Variants in JAKMIP3 observed in about 807,000 individuals in gnomAD.
The protein encoded by JAKMIP3 is janus kinase and microtubule-interacting protein 3.
Under a neutral mutation model 118.5 loss-of-function variants are expected in JAKMIP3, and 58 were observed. The observed-to-expected ratio is 0.49, with a 90% CI of 0.40 to 0.61. The LOEUF (loss-of-function observed/expected upper bound fraction) is 0.61. Ranked by LOEUF, JAKMIP3 falls within the 20% of genes least tolerant of loss-of-function variation. The pLI is 0.00. For missense variants in JAKMIP3, 950 were observed against 1,109.0 expected, an observed-to-expected ratio of 0.86 and a Z score of 2.04; for synonymous variants, 486 against 451.2, an observed-to-expected ratio of 1.08 and a Z score of -0.98.
At chr10:132,123,320 G>A (rs1055460571) in intron 3 of JAKMIP3, among the ~76,000 whole-genome samples, 3 of 152,174 alleles carry the variant, frequency 2.0e-5, no homozygotes, top group Admixed American at 6.6e-5. Context: ...CACGCTCAGC[G>A]CGTTTGCTAA....
chr10:132,072,854 A>C (rs752426885), intron 1 of JAKMIP3, among the ~76,000 whole-genome samples: 2 of 152,120 alleles, frequency 1.3e-5, no homozygotes, highest in Non-Finnish European at 2.9e-5. Flanking sequence ...TGTCCCCATT[A>C]CCTGAATAGT....
chr10:132,175,892 C>G (rs1189319671), intron 23 of JAKMIP3, among the ~76,000 whole-genome samples: 1 of 152,184 alleles, frequency 6.6e-6, no homozygotes, highest in African/African-American at 2.4e-5. Flanking sequence ...CTGAATTTGT[C>G]TATATTGTTA....
chr10:132,168,476 G>A lies in JAKMIP3; in HGVS notation c.*546G>A, dbSNP rs1008837492. 16 of 1,084,810 alleles carry A rather than the reference G, an allele frequency of 1.5e-5. No homozygotes were observed. The highest frequency in any genetic ancestry group is 5.7e-5 in the Admixed American group (2 of 35,354). The allele number at this position is 1,084,810 out of a possible 1,614,324, so 67.2% of individuals were successfully genotyped here. On this transcript the variant is annotated 3_prime_UTR_variant, in exon 23 of 24. Coordinates refer to ENST00000684848, the MANE Select transcript of JAKMIP3 (RefSeq NM_001323087.2). ...GATGGTCCTGGGAGGGCTCCCCGACGCCTCAGGGGCCCCTCCGATGCTGCA... is the reference window on the plus strand; with the variant it reads ...GATGGTCCTGGGAGGGCTCCCCGACACCTCAGGGGCCCCTCCGATGCTGCA...
At chr10:132,125,722 G>A (rs751384693) in intron 3 of JAKMIP3, among the ~76,000 whole-genome samples, 41 of 152,186 alleles carry the variant, frequency 2.7e-4, no homozygotes, top group Middle Eastern at 3.4e-3. Flanking sequence ...AATATTTAAC[G>A]TTTCATGCTA....
intron 1 of JAKMIP3, among the ~76,000 whole-genome samples, chr10:132,038,344 G>A (rs552939462): frequency 1.3e-5 from 2 of 152,290 alleles, no homozygotes; most frequent in South Asian, 2.1e-4. Flanking sequence ...CAACCCCCAC[G>A]GCAGTCAGCT....
chr10:132,183,759 T>G lies in JAKMIP3; in HGVS notation c.*2506T>G, dbSNP rs1363801438. ...CTATCATAGGCACCTTCTTTACATC[T>G]GATTACAATACCCAGCATTTCAGAA... On this transcript the variant is annotated 3_prime_UTR_variant, in exon 24 of 24. Transcript: ENST00000684848. 1 of 152,246 alleles carries G rather than the reference T, an allele frequency of 6.6e-6. No individual in the cohort carries two copies. Among genetic ancestry groups the G allele is most frequent in the Non-Finnish European group, 1.5e-5 (1 of 68,042 alleles). 9.4% of individuals were successfully genotyped at this position (152,246 alleles called of 1,614,324 possible). A position where few individuals can be genotyped will look rare whatever the true frequency, so the allele number is the denominator to read the frequency against.
At chr10:132,139,336 ATGTG>A (rs1441960430) in intron 9 of JAKMIP3, among the ~76,000 whole-genome samples, 2 of 139,600 alleles carry the variant, frequency 1.4e-5, no homozygotes, top group African/African-American at 5.6e-5. Flanking sequence ...GTGTGTTTGT[ATGTG>A]TGTACATGTG....
In JAKMIP3 at chr10:132,036,872, C is replaced by A. The variant is rs1379255192; in HGVS notation, c.-138+134C>A. ...GGCGACGTCCCGAGGGAGGGGGTCC[C>A]GCGGCAGAGACGCCCCTGTCTGGGG... On this transcript the variant is annotated intron_variant, in intron 1 of 23. Transcript: ENST00000657785. Among the ~76,000 whole-genome samples, 3 of 151,964 alleles carry A rather than the reference C, an allele frequency of 2.0e-5. No individual in the cohort carries two copies. The South Asian group carries it at 6.2e-4, about 31-fold the overall frequency.
chr10:132,036,930 C>CCGTGGGCGGGTCCTCT (rs2037524001), intron 1 of JAKMIP3, among the ~76,000 whole-genome samples: 4 of 152,154 alleles, frequency 2.6e-5, no homozygotes, highest in Admixed American at 2.6e-4. Flanking sequence ...GGCGGTCCCC[C>CCGTGGGCGGGTCCTCT]CGTGGGCGGG....
intron 1 of JAKMIP3, among the ~76,000 whole-genome samples, chr10:132,079,422 C>T (rs954281530): frequency 6.6e-6 from 1 of 152,076 alleles, no homozygotes; most frequent in East Asian, 1.9e-4. Flanking sequence ...CATGCATTTT[C>T]GTTTTTGTTG....
chr10:132,096,454 T>C (rs1374182733), intron 1 of JAKMIP3, among the ~76,000 whole-genome samples: 1 of 152,186 alleles, frequency 6.6e-6, no homozygotes, highest in Non-Finnish European at 1.5e-5. Context: ...CCGACGGCTG[T>C]TTCCTTAACA....
chr10:132,137,016 C>T lies in JAKMIP3; in HGVS notation c.1117-3C>T, dbSNP rs765240479. ...TTGTGATGTGGGCTGCTTGGCGTTT[C>T]AGAGACAGAGAGCTGGAATCATACG... On this transcript the variant is annotated splice_region_variant and splice_polypyrimidine_tract_variant and intron_variant, in intron 6 of 23. Coordinates refer to ENST00000684848, the MANE Select transcript of JAKMIP3 (RefSeq NM_001323087.2). 15 of 1,612,904 alleles carry T rather than the reference C, an allele frequency of 9.3e-6. No homozygotes were observed. Among genetic ancestry groups the T allele is most frequent in the Non-Finnish European group, 1.3e-5 (15 of 1,179,324 alleles).
intron 1 of JAKMIP3, among the ~76,000 whole-genome samples, chr10:132,099,100 C>G (rs992844294): frequency 6.6e-6 from 1 of 152,142 alleles, no homozygotes; most frequent in Admixed American, 6.5e-5. Flanking sequence ...CGGGTGTGGA[C>G]AGGTCTGATT....
intron 2 of JAKMIP3, among the ~76,000 whole-genome samples, chr10:132,115,897 A>G (rs2047566350): frequency 1.3e-5 from 2 of 152,266 alleles, no homozygotes; most frequent in Non-Finnish European, 2.9e-5. Context: ...GACGTCATCA[A>G]TGAAGTATGG....
intron 1 of JAKMIP3, among the ~76,000 whole-genome samples, chr10:132,053,198 G>A (rs1370294111): frequency 6.6e-6 from 1 of 152,224 alleles, no homozygotes; most frequent in African/African-American, 2.4e-5. Context: ...TTGGTCTGCT[G>A]AGGTCATCTG....
chr10:132,060,323 T>G (rs553515710), upstream of JAKMIP3, among the ~76,000 whole-genome samples: 2 of 152,008 alleles, frequency 1.3e-5, no homozygotes, highest in Non-Finnish European at 2.9e-5. Flanking sequence ...CAGGTTCTGG[T>G]GGGCGGGGCA....
At chr10:132,144,285 G>C in intron 11 of JAKMIP3, 1 of 152,304 alleles carries the variant, frequency 6.6e-6, no homozygotes, top group Non-Finnish European at 1.5e-5. Context: ...CTGTAGATGT[G>C]GGGCGGGCTC....
chr10:132,176,085 C>A (rs1325680342), intron 23 of JAKMIP3, among the ~76,000 whole-genome samples: 1 of 152,188 alleles, frequency 6.6e-6, no homozygotes, highest in African/African-American at 2.4e-5. Context: ...GATCAGGGGG[C>A]GGAGTCTTCA....
intron 20 of JAKMIP3, 63 bp from the exon 21 acceptor site, chr10:132,164,607 T>G: frequency 9.3e-7 from 1 of 1,078,016 alleles, no homozygotes; most frequent in South Asian, 1.3e-5. Flanking sequence ...ATGAAAATCT[T>G]GAAGGATTTG....
Sources: allele counts gnomAD v4.1 joint callset (sites outside exome capture counted in the v4.1 genomes callset), GRCh38; gene constraint gnomAD v4.1.1; transcripts MANE v1.5; gene names NCBI Gene and HGNC (gene_info 2026-07-23, HGNC 2026-07-21).